Variants in DMD observed in about 807,000 individuals in gnomAD.
DMD encodes mutant dystrophin.
Under a neutral mutation model 330.1 loss-of-function variants are expected in DMD, and 63 were observed. That is an observed-to-expected ratio of 0.19 (90% CI 0.16 to 0.24). The LOEUF (loss-of-function observed/expected upper bound fraction) is 0.24, where lower values mean the gene tolerates loss of function less well. DMD is among the 10% of genes least tolerant of loss of function. The probability of loss-of-function intolerance (pLI) is 1.00; values close to 1 mark genes in which losing one functional copy is unlikely to be tolerated. For missense variants in DMD, 3,344 were observed against 2,684.1 expected (o/e 1.25, Z -5.43); for synonymous variants, 1,223 against 959.8 (o/e 1.27, Z -5.07).
At chrX:32,215,211 T>C (rs1173908198) in intron 44 of DMD, among the ~76,000 whole-genome samples, 2 of 111,254 alleles carry the variant, frequency 1.8e-5, no homozygotes, top group African/African-American at 6.5e-5. Flanking sequence ...AAACAGACAA[T>C]GAACATAACA....
chrX:31,697,994 C>G (rs1370865476), intron 52 of DMD, among the ~76,000 whole-genome samples: 1 of 111,833 alleles, frequency 8.9e-6, no homozygotes, highest in Admixed American at 9.5e-5. Context: ...AGATAAAATT[C>G]AATAATGAAT....
At chrX:31,154,287 T>TTA (rs1290772685) in intron 74 of DMD, among the ~76,000 whole-genome samples, 2 of 110,321 alleles carry the variant, frequency 1.8e-5, no homozygotes, top group African/African-American at 6.6e-5. Flanking sequence ...TAATGTTTTT[T>TTA]TTTTATTTTT....
At chrX:31,489,628 C>A (rs757638083) in intron 57 of DMD, among the ~76,000 whole-genome samples, 75 of 111,871 alleles carry the variant, frequency 6.7e-4, no homozygotes, top group African/African-American at 2.2e-3. Flanking sequence ...CATTTTGTTC[C>A]CTAACATATG....
At chrX:32,139,504 G>T (rs1360947072) in intron 44 of DMD, among the ~76,000 whole-genome samples, 1 of 112,281 alleles carries the variant, frequency 8.9e-6, no homozygotes, top group Admixed American at 9.5e-5. Flanking sequence ...TTGTGGTGAT[G>T]AAACACTTCT....
At chrX:32,287,828 T>A in intron 42 of DMD, 127 bp from the exon 43 acceptor site, 1 of 465,281 alleles carries the variant, frequency 2.1e-6, no homozygotes, top group Non-Finnish European at 3.3e-6. Flanking sequence ...ATTGACTTTT[T>A]AAAGTTAATA....
chrX:31,920,223 T>G (rs929842419), intron 47 of DMD, among the ~76,000 whole-genome samples: 2 of 112,306 alleles, frequency 1.8e-5, no homozygotes, highest in Non-Finnish European at 3.8e-5. Context: ...GTATAAAGAT[T>G]TGACAGAAAA....
At chrX:32,499,466 G>A (rs773718782) in intron 19 of DMD, among the ~76,000 whole-genome samples, 1 of 111,263 alleles carries the variant, frequency 9.0e-6, no homozygotes, top group Non-Finnish European at 1.9e-5. Context: ...CTTAACTTCT[G>A]AGGAAACTAT....
chrX:31,692,120 A>C (rs2083164983), intron 52 of DMD, among the ~76,000 whole-genome samples: 1 of 111,891 alleles, frequency 8.9e-6, no homozygotes, highest in Non-Finnish European at 1.9e-5. Context: ...AAATCATATA[A>C]AATTAAGAAA....
chrX:32,265,252 T>C (rs1202037568), intron 43 of DMD, among the ~76,000 whole-genome samples: 2 of 112,425 alleles, frequency 1.8e-5, no homozygotes, highest in African/African-American at 6.5e-5. Context: ...GGAGCCAAGA[T>C]AGAGCTCAGC....
At chrX:32,662,341 A>C (rs2061001050) in intron 9 of DMD, among the ~76,000 whole-genome samples, 1 of 111,988 alleles carries the variant, frequency 8.9e-6, no homozygotes, top group African/African-American at 3.2e-5. Context: ...AATTGAGTAG[A>C]AAACTCATGC....
intron 6 of DMD, among the ~76,000 whole-genome samples, chrX:32,812,487 G>C (rs772558320): frequency 5.4e-5 from 6 of 111,159 alleles, no homozygotes; most frequent in Non-Finnish European, 9.4e-5. Flanking sequence ...ACAAAAATTA[G>C]CAGGGCATGG....
At chrX:31,911,687 C>T (rs2094549309) in intron 47 of DMD, among the ~76,000 whole-genome samples, 1 of 111,480 alleles carries the variant, frequency 9.0e-6, no homozygotes, top group Non-Finnish European at 1.9e-5. Context: ...TGCTAACAAA[C>T]GCACAGTGCA....
At chrX:31,446,518 C>T (rs763375493) in intron 59 of DMD, among the ~76,000 whole-genome samples, 2 of 111,393 alleles carry the variant, frequency 1.8e-5, no homozygotes, top group Admixed American at 9.5e-5. Flanking sequence ...TATTCAACTT[C>T]GTGTTAGTGG....
rs527729862 is a variant in DMD at position 32,794,476 on chromosome X, C to A, written c.649+15017G>T. 5.4e-5 allele frequency among the ~76,000 whole-genome samples: 6 copies of A among 111,637 alleles called. No individual in the cohort carries two copies. In the South Asian group the frequency reaches 2.3e-3, roughly 42 times the overall value. On this transcript the variant is annotated intron_variant, in intron 7 of 78. Transcript: ENST00000357033. Reference sequence around the variant, plus strand: ...TGGTGGCAGATGCCTGTGGTCCCAGCTGCTCGGGAGGCTGAGGCAAGAGAA... The same window carrying A: ...TGGTGGCAGATGCCTGTGGTCCCAGATGCTCGGGAGGCTGAGGCAAGAGAA...
At chrX:31,512,543 T>C (rs2071728981) in intron 55 of DMD, among the ~76,000 whole-genome samples, 1 of 104,299 alleles carries the variant, frequency 9.6e-6, no homozygotes. Flanking sequence ...AGTTTCAGCT[T>C]TCTACATATG....
At chrX:32,188,627 A>T (rs2096958119) in intron 44 of DMD, among the ~76,000 whole-genome samples, 1 of 108,546 alleles carries the variant, frequency 9.2e-6, no homozygotes, top group Admixed American at 1.0e-4. Context: ...GCCTTATGCC[A>T]GCACACTGTG....
At chrX:31,312,447 T>C (rs2148190382) in intron 62 of DMD, among the ~76,000 whole-genome samples, 1 of 112,144 alleles carries the variant, frequency 8.9e-6, no homozygotes, top group South Asian at 3.7e-4. Context: ...TATTAAAAAG[T>C]CAGGAAACAA....
At chrX:31,602,629 G>T (rs2077422984) in intron 55 of DMD, among the ~76,000 whole-genome samples, 1 of 111,288 alleles carries the variant, frequency 9.0e-6, no homozygotes, top group Non-Finnish European at 1.9e-5. Flanking sequence ...TTCCCAAATT[G>T]AAGAAAACGG....
intron 19 of DMD, among the ~76,000 whole-genome samples, chrX:32,495,372 A>G (rs932847402): frequency 8.9e-6 from 1 of 111,849 alleles, no homozygotes; most frequent in African/African-American, 3.3e-5. Context: ...GAATATAAAA[A>G]TTATGAGACC....
Sources: gnomAD v4.1 joint callset for allele counts (sites outside exome capture counted in the v4.1 genomes callset) on GRCh38, gnomAD v4.1.1 for gene constraint, MANE v1.5 for transcripts, NCBI Gene and HGNC (gene_info 2026-07-23, HGNC 2026-07-21) for gene names.